TRRAP: variants seen among roughly 807,000 people sequenced by gnomAD.
TRRAP encodes transformation/transcription domain associated protein.
TRRAP carries 41 observed loss-of-function variants against 438.8 expected under a neutral mutation model. That is an observed-to-expected ratio of 0.09 (90% CI 0.07 to 0.12). TRRAP has a LOEUF of 0.12. Ranked by LOEUF, TRRAP falls within the 10% of genes least tolerant of loss-of-function variation. The probability of loss-of-function intolerance (pLI) is 1.00; values close to 1 mark genes in which losing one functional copy is unlikely to be tolerated. For synonymous variants in TRRAP, 1,994 were observed against 1,962.9 expected, an observed-to-expected ratio of 1.02 and a Z score of -0.42; for missense variants, 3,122 against 5,055.1, an observed-to-expected ratio of 0.62 and a Z score of 11.60.
intron 25 of TRRAP, 90 bp from the exon 26 acceptor site, chr7:98,931,313 GAC>G (rs1433960589): frequency 1.3e-6 from 2 of 1,538,876 alleles, no homozygotes; most frequent in Non-Finnish European, 1.7e-6. Flanking sequence ...GGACCCCAGT[GAC>G]AGTCTTTATG....
chr7:98,879,114 C>A (rs1795302418), intron 1 of TRRAP, among the ~76,000 whole-genome samples: 2 of 152,308 alleles, frequency 1.3e-5, no homozygotes, highest in Admixed American at 1.3e-4. Context: ...TCTGGCCCGG[C>A]GGCGCCGCCT....
At chr7:98,972,970 CTTCT>C (rs1792485074) in intron 53 of TRRAP, among the ~76,000 whole-genome samples, 1 of 151,922 alleles carries the variant, frequency 6.6e-6, no homozygotes, top group Non-Finnish European at 1.5e-5. Context: ...GGGCCAGGCA[CTTCT>C]TTTGTTTGTT....
Position 98,999,823 on chromosome 7 carries a change from A to C in TRRAP, c.10310-4367A>C. Reference sequence around the variant, plus strand: ...CTGTGGCAAATCCCGATCGATGCTGATTTCTCCACCTCAGACAGGCTTTGC... The same window carrying C: ...CTGTGGCAAATCCCGATCGATGCTGCTTTCTCCACCTCAGACAGGCTTTGC... On this transcript the variant is annotated intron_variant, in intron 67 of 72. Coordinates refer to ENST00000456197, the MANE Select transcript of TRRAP (RefSeq NM_001375524.1). 2 of 490,952 alleles carry C rather than the reference A, an allele frequency of 4.1e-6. 1 individual carries two copies. The highest frequency in any genetic ancestry group is 7.3e-6 in the Non-Finnish European group (2 of 272,624). 30.4% of individuals were successfully genotyped at this position (490,952 alleles called of 1,614,324 possible). A position where few individuals can be genotyped will look rare whatever the true frequency, so the allele number is the denominator to read the frequency against.
chr7:98,999,866 C>A, intron 67 of TRRAP: 1 of 431,252 alleles, frequency 2.3e-6, no homozygotes, highest in Non-Finnish European at 4.2e-6. Context: ...AATTCATCTC[C>A]ATCTTAAATA....
chr7:98,950,569 G>A (rs369389290), intron 38 of TRRAP, among the ~76,000 whole-genome samples: 24 of 152,192 alleles, frequency 1.6e-4, no homozygotes, highest in Admixed American at 8.5e-4. Flanking sequence ...AGAAAGTGCC[G>A]TTGCTCAGGA....
At position 98,977,029 on chromosome 7, in the gene TRRAP, G is replaced by A; in HGVS notation, c.8338G>A (p.Glu2780Lys). ...GTGGCAGAAGCGGTGCAAGTACTCG[G>A]AGACAGCGACTGCGATTGCTTACGA... Reference protein sequence around the residue: ...GLWQKRCKYSETATAIAYEQH... With the variant: ...GLWQKRCKYSKTATAIAYEQH... Residue 2780 changes from glutamate (E) to lysine (K), a missense_variant, in exon 56 of 73, where the codon GAG becomes AAG. Physicochemically the swap from Glu to Lys is moderately conservative, Grantham distance 56. Coordinates refer to ENST00000456197, the MANE Select transcript of TRRAP (RefSeq NM_001375524.1). 6.2e-7 allele frequency: 1 copy of A among 1,614,240 alleles called. No homozygotes were observed. Among genetic ancestry groups the A allele is most frequent in the Non-Finnish European group, 8.5e-7 (1 of 1,180,032 alleles).
chr7:98,937,310 G>T (rs782395606), intron 29 of TRRAP, 33 bp downstream of exon 29: 4 of 1,597,778 alleles, frequency 2.5e-6, no homozygotes, highest in African/African-American at 1.4e-5. Context: ...ATGCGCACGC[G>T]TGTGTGCACA....
intron 51 of TRRAP, among the ~76,000 whole-genome samples, chr7:98,968,174 A>AG (rs1792244542): frequency 1.3e-5 from 2 of 152,024 alleles, no homozygotes; most frequent in African/African-American, 4.8e-5. Context: ...CCATGTAACC[A>AG]CACCCGGCTG....
At position 98,927,375 on chromosome 7, in the gene TRRAP, G is replaced by T; in HGVS notation, c.3175+9G>T. On this transcript the variant is annotated intron_variant, in intron 23 of 72. Transcript: ENST00000456197. ...AGTCGCCCAGCAGTGTGGTGAGCAC[G>T]GGGGCACGGTGGGGCACGGGATTGG... The T allele has an allele frequency of 6.2e-7, 1 of 1,613,792 alleles. No homozygotes were observed. Among genetic ancestry groups the T allele is most frequent in the Non-Finnish European group, 8.5e-7 (1 of 1,179,872 alleles).
chr7:98,954,985 A>G (rs1339443930), intron 40 of TRRAP, 113 bp from the exon 41 acceptor site: 1 of 1,099,078 alleles, frequency 9.1e-7, no homozygotes, highest in African/African-American at 1.6e-5. Context: ...AGTCCTAAGA[A>G]GTTTTTAAAA....
At chr7:98,963,693 C>G (rs953706591) in intron 47 of TRRAP, among the ~76,000 whole-genome samples, 8 of 152,188 alleles carry the variant, frequency 5.3e-5, no homozygotes, top group Non-Finnish European at 1.5e-5. Context: ...TTGTTGACTG[C>G]TCTGTTAAGA....
intron 63 of TRRAP, among the ~76,000 whole-genome samples, chr7:98,990,204 G>A (rs1793337754): frequency 1.3e-5 from 2 of 152,106 alleles, no homozygotes; most frequent in African/African-American, 4.8e-5. Context: ...CTCCAGTCCT[G>A]GGTGACAAAG....
At chr7:98,946,301 G>C (rs545962673) in intron 33 of TRRAP, among the ~76,000 whole-genome samples, 3 of 152,276 alleles carry the variant, frequency 2.0e-5, no homozygotes, top group South Asian at 4.1e-4. Context: ...TATTGTGCCT[G>C]CTAGAAGTGG....
chr7:98,880,327 A>C (rs893978480), intron 1 of TRRAP, among the ~76,000 whole-genome samples: 2 of 145,404 alleles, frequency 1.4e-5, no homozygotes, highest in Non-Finnish European at 3.0e-5. Context: ...GCAGTGGCAC[A>C]ATCTTGGCTC....
chr7:98,982,569 A>G (rs1292652901), intron 59 of TRRAP, among the ~76,000 whole-genome samples: 1 of 152,250 alleles, frequency 6.6e-6, no homozygotes, highest in African/African-American at 2.4e-5. Flanking sequence ...CATCAGACAG[A>G]AAATCAGGAT....
intron 8 of TRRAP, among the ~76,000 whole-genome samples, chr7:98,898,684 T>TAA (rs1796335501): frequency 6.6e-6 from 1 of 152,220 alleles, no homozygotes; most frequent in South Asian, 2.1e-4. Context: ...TGAGTCCTTA[T>TAA]ATATTAGGAC....
chr7:98,983,962 A>C, intron 60 of TRRAP, 131 bp from the exon 61 acceptor site: 1 of 1,180,762 alleles, frequency 8.5e-7, no homozygotes, highest in Non-Finnish European at 1.1e-6. Flanking sequence ...CAAAGTAACG[A>C]GGGTTTATCA....
At position 98,976,749 on chromosome 7, in the gene TRRAP, G is replaced by C; in HGVS notation, c.8226G>C (p.Glu2742Asp). The C allele has an allele frequency of 2.5e-6, 4 of 1,613,556 alleles. No homozygotes were observed. The highest frequency in any genetic ancestry group is 3.4e-6 in the Non-Finnish European group (4 of 1,179,818). The change falls in exon 55 of 73, where the codon GAG (glutamate) becomes GAC (aspartate). Residue 2742 changes from glutamate (E) to aspartate (D), a missense_variant. Glu to Asp is a conservative substitution (Grantham distance 45). Around this residue, in one of 24 missense-constraint regions of TRRAP, gnomAD observed 992 missense variants for 1,281.2 expected, o/e 0.77. Coordinates refer to ENST00000456197, the MANE Select transcript of TRRAP (RefSeq NM_001375524.1). The surrounding 1 kb of genome is among the most constrained non-coding windows in gnomAD (Gnocchi z 4.6). ...AAACAACGGAGTTTTATGAGCAGGA[G>C]AGCATCACCCCGCCGCAGCAGGTGA... Reference protein sequence around the residue: ...PKQTTEFYEQESITPPQQEIL... With the variant: ...PKQTTEFYEQDSITPPQQEIL...
At chr7:98,893,026 A>T (rs1269647077) in intron 5 of TRRAP, among the ~76,000 whole-genome samples, 6 of 151,240 alleles carry the variant, frequency 4.0e-5, no homozygotes, top group African/African-American at 1.5e-4. Context: ...ATCTTGGTTC[A>T]CTGCATCCTC....
Sources: allele counts gnomAD v4.1 joint callset (sites outside exome capture counted in the v4.1 genomes callset), GRCh38; gene constraint gnomAD v4.1.1; regional missense constraint gnomAD v4.1.1; non-coding constraint Gnocchi (gnomAD v3.1); transcripts MANE v1.5; gene names NCBI Gene and HGNC (gene_info 2026-07-23, HGNC 2026-07-21).